Variants in SELENOI observed in about 807,000 individuals in gnomAD.
The protein encoded by SELENOI is ethanolaminephosphotransferase 1.
SELENOI carries 24 observed loss-of-function variants against 50.7 expected under a neutral mutation model. That is an observed-to-expected ratio of 0.47 (90% CI 0.34 to 0.67). The LOEUF is 0.67. Among genes scored for constraint, SELENOI ranks in the 30% least tolerant of loss-of-function variants. SELENOI has a pLI of 0.01. For missense variants in SELENOI, 352 were observed against 461.4 expected (o/e 0.76, Z 2.17); for synonymous variants, 155 against 170.2 (o/e 0.91, Z 0.70).
At chr2:26,370,131 T>C (rs879145908) in intron 4 of SELENOI, among the ~76,000 whole-genome samples, 1 of 151,312 alleles carries the variant, frequency 6.6e-6, no homozygotes, top group Non-Finnish European at 1.5e-5. Context: ...TCCATTTAAC[T>C]CTGAGTGGAC....
At chr2:26,370,763 G>A (rs866884219) in intron 4 of SELENOI, among the ~76,000 whole-genome samples, 161 of 127,104 alleles carry the variant, frequency 1.3e-3, no homozygotes, top group Middle Eastern at 6.0e-3. Flanking sequence ...CCTCCCTCCC[G>A]GACGGGGCGG....
chr2:26,364,588 A>T (rs1408139283), intron 2 of SELENOI, among the ~76,000 whole-genome samples: 2 of 152,124 alleles, frequency 1.3e-5, no homozygotes, highest in Non-Finnish European at 2.9e-5. Flanking sequence ...CCCTTTTAAA[A>T]TTTTTCTAAA....
rs1473695965 is a variant in SELENOI at position 26,392,706 on chromosome 2, A to T, written c.*3603A>T. The T allele has an allele frequency of 1.3e-5, 2 of 152,226 alleles. No homozygotes were observed. Among genetic ancestry groups the T allele is most frequent in the African/African-American group, 4.8e-5 (2 of 41,464 alleles). 9.4% of individuals were successfully genotyped at this position (152,226 alleles called of 1,614,324 possible). On this transcript the variant is annotated 3_prime_UTR_variant, in exon 10 of 10. Coordinates refer to ENST00000260585, the MANE Select transcript of SELENOI (RefSeq NM_033505.4). Reference sequence around the variant, plus strand: ...GGAACTTTTGACTTTGGGTCCCCAAACAGCCAAAAACAGATACAGAAATCT... The same window carrying T: ...GGAACTTTTGACTTTGGGTCCCCAATCAGCCAAAAACAGATACAGAAATCT...
At chr2:26,373,901 A>T (rs947196067) in intron 5 of SELENOI, among the ~76,000 whole-genome samples, 1 of 152,118 alleles carries the variant, frequency 6.6e-6, no homozygotes, top group African/African-American at 2.4e-5. Flanking sequence ...ACAGGTGCCC[A>T]CTATCACGCC....
chr2:26,390,317 T>C lies in SELENOI; in HGVS notation c.*1214T>C, dbSNP rs1677936260. On this transcript the variant is annotated 3_prime_UTR_variant, in exon 10 of 10. Coordinates refer to ENST00000260585, the MANE Select transcript of SELENOI (RefSeq NM_033505.4). ...CTTCTATTTCTTTGTCTTCATTTAA[T>C]TTGGTGGTGGTGAACTTTACTTGCT... The C allele has an allele frequency of 6.6e-6, 1 of 152,458 alleles. No individual in the cohort carries two copies. Among genetic ancestry groups the C allele is most frequent in the African/African-American group, 2.4e-5 (1 of 41,394 alleles). 9.4% of individuals were successfully genotyped at this position (152,458 alleles called of 1,614,324 possible).
At chr2:26,353,812 C>G (rs1475433317) in intron 1 of SELENOI, among the ~76,000 whole-genome samples, 1 of 152,178 alleles carries the variant, frequency 6.6e-6, no homozygotes, top group East Asian at 1.9e-4. Flanking sequence ...TCTGAAATAA[C>G]AGTTCACTGA....
chr2:26,351,542 G>C (rs558538171), intron 1 of SELENOI, among the ~76,000 whole-genome samples: 1 of 152,224 alleles, frequency 6.6e-6, no homozygotes, highest in African/African-American at 2.4e-5. Flanking sequence ...GGGGAGAAAG[G>C]CATTATGGAA....
intron 1 of SELENOI, among the ~76,000 whole-genome samples, chr2:26,363,322 C>T (rs1300849034): frequency 6.6e-6 from 1 of 152,178 alleles, no homozygotes; most frequent in Admixed American, 6.5e-5. Flanking sequence ...GATTAAGTAA[C>T]TTGCCCAAGG....
In SELENOI at chr2:26,390,338, T is replaced by C. The variant is rs1218297780; in HGVS notation, c.*1235T>C. The C allele has an allele frequency of 2.0e-5, 3 of 152,502 alleles. No homozygotes were observed. Among genetic ancestry groups the C allele is most frequent in the African/African-American group, 7.2e-5 (3 of 41,412 alleles). The allele number at this position is 152,502 out of a possible 1,614,324, so 9.4% of individuals were successfully genotyped here. A position where few individuals can be genotyped will look rare whatever the true frequency, so the allele number is the denominator to read the frequency against. On this transcript the variant is annotated 3_prime_UTR_variant, in exon 10 of 10. Transcript: ENST00000260585. ...TTAATTTGGTGGTGGTGAACTTTAC[T>C]TGCTGATTTTCTTTTATTTTTCACT...
intron 1 of SELENOI, among the ~76,000 whole-genome samples, chr2:26,350,511 G>C (rs1171774424): frequency 6.6e-6 from 1 of 152,126 alleles, no homozygotes; most frequent in Non-Finnish European, 1.5e-5. Context: ...GGGCCACCGT[G>C]CCTGGCCATC....
rs1229513634 is a variant in SELENOI, at chr2:26,393,178, G to C, written c.*4075G>C. The C allele has an allele frequency of 6.6e-6, 1 of 152,638 alleles. No individual in the cohort carries two copies. The highest frequency in any genetic ancestry group is 1.5e-5 in the Non-Finnish European group (1 of 68,046). 9.5% of individuals were successfully genotyped at this position (152,638 alleles called of 1,614,324 possible). On this transcript the variant is annotated 3_prime_UTR_variant, in exon 10 of 10. Transcript: ENST00000260585. ...GACATTGGCAGGCAGTTATTGTAGG[G>C]TATATGGTTAATCACGATTGTCTAA...
At position 26,389,327 on chromosome 2, in the gene SELENOI, T is replaced by C; in HGVS notation, c.*224T>C. The C allele has an allele frequency of 8.9e-6, 4 of 448,684 alleles. No individual in the cohort carries two copies. The South Asian group carries it at 1.1e-4, about 12-fold the overall frequency. The allele number at this position is 448,684 out of a possible 1,614,324, so 27.8% of individuals were successfully genotyped here. ...TATGTGACATTTTGGTTGAGCAGAATGTACGTTAGACCAGCAAAATGTTCC... is the reference window on the plus strand; with the variant it reads ...TATGTGACATTTTGGTTGAGCAGAACGTACGTTAGACCAGCAAAATGTTCC... On this transcript the variant is annotated 3_prime_UTR_variant, in exon 10 of 10. Coordinates refer to ENST00000260585, the MANE Select transcript of SELENOI (RefSeq NM_033505.4).
At chr2:26,380,021 C>G (rs1677651581) in intron 6 of SELENOI, among the ~76,000 whole-genome samples, 1 of 152,100 alleles carries the variant, frequency 6.6e-6, no homozygotes, top group Non-Finnish European at 1.5e-5. Context: ...TAGGTGTGTC[C>G]CGTCAGTTTA....
intron 4 of SELENOI, among the ~76,000 whole-genome samples, chr2:26,370,870 A>G (rs1309334635): frequency 0.04 from 2,368 of 58,702 alleles, 35 homozygotes; most frequent in East Asian, 0.11. Flanking sequence ...GCGGCTGGCC[A>G]GGCGGGGGGC....
intron 1 of SELENOI, among the ~76,000 whole-genome samples, chr2:26,359,530 C>A (rs756868391): frequency 1.8e-4 from 27 of 152,094 alleles, no homozygotes; most frequent in Non-Finnish European, 8.8e-5. Flanking sequence ...GTAATCCCAA[C>A]TACTCAAGAG....
At chr2:26,349,640 C>T (rs1676909399) in intron 1 of SELENOI, among the ~76,000 whole-genome samples, 3 of 149,650 alleles carry the variant, frequency 2.0e-5, no homozygotes, top group Admixed American at 2.0e-4. Context: ...GGATTTTTCC[C>T]CACTTATCTA....
intron 1 of SELENOI, among the ~76,000 whole-genome samples, chr2:26,354,601 T>C (rs144579235): frequency 0.012 from 1,850 of 151,962 alleles, 54 homozygotes; most frequent in South Asian, 0.095. Flanking sequence ...CCGTGTTAGC[T>C]AGGATGGTCT....
chr2:26,354,220 A>C (rs1677017465), intron 1 of SELENOI, among the ~76,000 whole-genome samples: 1 of 151,988 alleles, frequency 6.6e-6, no homozygotes, highest in South Asian at 2.1e-4. Flanking sequence ...GAGACACTGA[A>C]AATTTAAGTA....
At chr2:26,358,341 C>T (rs935846949) in intron 1 of SELENOI, among the ~76,000 whole-genome samples, 2 of 152,088 alleles carry the variant, frequency 1.3e-5, no homozygotes, top group African/African-American at 2.4e-5. Flanking sequence ...GAGCCGAGAT[C>T]GCTGCCACTG....
Sources: gnomAD v4.1 joint callset for allele counts (sites outside exome capture counted in the v4.1 genomes callset) on GRCh38, gnomAD v4.1.1 for gene constraint, MANE v1.5 for transcripts, NCBI Gene and HGNC (gene_info 2026-07-23, HGNC 2026-07-21) for gene names.